ANKRD6: variants seen among roughly 807,000 people sequenced by gnomAD.
ANKRD6 encodes the protein ankyrin repeat domain-containing protein 6.
Under a neutral mutation model 82.3 loss-of-function variants are expected in ANKRD6, and 56 were observed. The observed-to-expected ratio is 0.68, with a 90% CI of 0.55 to 0.85. ANKRD6 has a LOEUF of 0.85. ANKRD6 is among the 40% of genes least tolerant of loss of function. The pLI, the probability that ANKRD6 is intolerant of heterozygous loss-of-function variation, is 0.00. For synonymous variants in ANKRD6, 347 were observed against 352.1 expected (o/e 0.99, Z 0.16); for missense variants, 852 against 907.6 (o/e 0.94, Z 0.79).
At chr6:89,583,949 G>A (rs13208079) in intron 2 of ANKRD6, among the ~76,000 whole-genome samples, 3,413 of 152,296 alleles carry the variant, frequency 0.022, 57 homozygotes, top group Non-Finnish European at 0.034. Flanking sequence ...TCCACCATCT[G>A]CCACCACCGT....
intron 4 of ANKRD6, among the ~76,000 whole-genome samples, chr6:89,604,243 G>A (rs1292289753): frequency 2.0e-5 from 3 of 152,034 alleles, no homozygotes; most frequent in Non-Finnish European, 4.4e-5. Flanking sequence ...CAGGAGAATC[G>A]CTTGAACCCG....
chr6:89,602,980 G>A (rs910768957), intron 3 of ANKRD6, 49 bp from the exon 4 acceptor site: 2 of 1,473,288 alleles, frequency 1.4e-6, no homozygotes, highest in Admixed American at 3.9e-5. Context: ...GTGCAAGCAG[G>A]GGGTGCAGGG....
At chr6:89,475,365 G>T (rs1010445683) in intron 1 of ANKRD6, among the ~76,000 whole-genome samples, 7 of 152,086 alleles carry the variant, frequency 4.6e-5, no homozygotes, top group African/African-American at 1.7e-4. Context: ...TTAAATAGTT[G>T]CCATATTCTA....
chr6:89,620,687 A>G (rs1049646327), intron 9 of ANKRD6, among the ~76,000 whole-genome samples: 24 of 152,162 alleles, frequency 1.6e-4, no homozygotes, highest in African/African-American at 5.3e-4. Flanking sequence ...CCTGACAGTG[A>G]CTGACAGTCC....
intron 1 of ANKRD6, among the ~76,000 whole-genome samples, chr6:89,471,838 C>T (rs1562577423): frequency 6.7e-6 from 1 of 149,452 alleles, no homozygotes; most frequent in Non-Finnish European, 1.5e-5. Context: ...AGGAGGGAGG[C>T]CGAGGCAGGA....
chr6:89,462,400 G>C (rs1774292107), intron 1 of ANKRD6, among the ~76,000 whole-genome samples: 1 of 151,938 alleles, frequency 6.6e-6, no homozygotes, highest in Non-Finnish European at 1.5e-5. Flanking sequence ...GTTTTTTCCA[G>C]ACATGTAATA....
chr6:89,580,460 A>G (rs1048845921), intron 2 of ANKRD6, among the ~76,000 whole-genome samples: 7 of 152,156 alleles, frequency 4.6e-5, no homozygotes, highest in Admixed American at 4.6e-4. Context: ...GTTTTCAGAA[A>G]TGAAGAGGAT....
At chr6:89,629,411 T>C (rs1478879329) in intron 15 of ANKRD6, 173 bp downstream of exon 15, 1 of 846,368 alleles carries the variant, frequency 1.2e-6, no homozygotes, top group Non-Finnish European at 1.9e-6. Flanking sequence ...ACTCAGTTGC[T>C]ATGTAATAAT....
intron 1 of ANKRD6, among the ~76,000 whole-genome samples, chr6:89,492,552 C>G (rs1310457016): frequency 6.6e-6 from 1 of 152,174 alleles, no homozygotes; most frequent in South Asian, 2.1e-4. Flanking sequence ...TAGAGGGTTG[C>G]CTTAGCCACT....
intron 1 of ANKRD6, among the ~76,000 whole-genome samples, chr6:89,488,915 A>ATTCTG (rs1777703866): frequency 6.6e-6 from 1 of 151,406 alleles, no homozygotes; most frequent in African/African-American, 2.4e-5. Context: ...ATTCTATTCT[A>ATTCTG]TTCTATTCTA....
chr6:89,449,842 A>T (rs1772594558), intron 1 of ANKRD6, among the ~76,000 whole-genome samples: 1 of 152,128 alleles, frequency 6.6e-6, no homozygotes. Flanking sequence ...ATATTTGGAG[A>T]TATTTTTTGG....
Position 89,631,133 on chromosome 6 carries a change from T to A in ANKRD6, c.*129T>A. 1 of 1,392,298 alleles carries A rather than the reference T, an allele frequency of 7.2e-7. No homozygotes were observed. The allele number at this position is 1,392,298 out of a possible 1,614,324, so 86.2% of individuals were successfully genotyped here. Reference sequence around the variant, plus strand: ...GCCTTTTTAAAAAAATCACTAATTCTACAATGTGCCAGATACATGTTTCCT... The same window carrying A: ...GCCTTTTTAAAAAAATCACTAATTCAACAATGTGCCAGATACATGTTTCCT... On this transcript the variant is annotated 3_prime_UTR_variant, in exon 16 of 16. Coordinates refer to ENST00000339746, the MANE Select transcript of ANKRD6 (RefSeq NM_001242809.2).
chr6:89,531,312 G>A (rs76757374), intron 1 of ANKRD6, among the ~76,000 whole-genome samples: 10,990 of 152,326 alleles, frequency 0.072, 531 homozygotes, highest in Middle Eastern at 0.16. Flanking sequence ...AAATAAATAT[G>A]CTCAAATGGA....
intron 5 of ANKRD6, among the ~76,000 whole-genome samples, chr6:89,610,005 C>G (rs1288621862): frequency 6.6e-6 from 1 of 152,090 alleles, no homozygotes; most frequent in African/African-American, 2.4e-5. Context: ...AGCCATAGCC[C>G]GTAGAAAGAT....
rs60101795 is a variant in ANKRD6, at chr6:89,538,902, C to CA, written c.-143-27923dup. On this transcript the variant is annotated intron_variant, in intron 1 of 15. Transcript: ENST00000339746. ...TTTTTCAATGACAAGATCAAAAGGC[C>CA]AAAAAAAAACTTGAAAGAACAGAGT... 4.2e-3 allele frequency among the ~76,000 whole-genome samples: 634 copies of CA among 149,758 alleles called. 6 individuals carry two copies. The highest frequency in any genetic ancestry group is 7.0e-3 in the African/African-American group (286 of 40,832).
intron 1 of ANKRD6, among the ~76,000 whole-genome samples, chr6:89,473,663 G>A (rs921560371): frequency 3.3e-5 from 5 of 152,120 alleles, no homozygotes; most frequent in African/African-American, 1.2e-4. Context: ...TCCAGTTAAT[G>A]GTGAGAGTTT....
chr6:89,504,034 A>G (rs377129721), intron 1 of ANKRD6, among the ~76,000 whole-genome samples: 7 of 149,654 alleles, frequency 4.7e-5, no homozygotes, highest in Admixed American at 3.4e-4. Context: ...GAGAAGCCAC[A>G]GTGGTAGTGA....
At chr6:89,508,918 A>G (rs1211355293) in intron 1 of ANKRD6, 1 of 152,304 alleles carries the variant, frequency 6.6e-6, no homozygotes, top group Non-Finnish European at 1.5e-5. Context: ...CCTCCAACAC[A>G]GAGGTGCAGT....
intron 1 of ANKRD6, among the ~76,000 whole-genome samples, chr6:89,494,262 T>G (rs939233888): frequency 6.6e-6 from 1 of 152,230 alleles, no homozygotes; most frequent in Non-Finnish European, 1.5e-5. Flanking sequence ...CATGCTAAAC[T>G]AACAGGATTC....
Sources: gnomAD v4.1 joint callset for allele counts (sites outside exome capture counted in the v4.1 genomes callset) on GRCh38, gnomAD v4.1.1 for gene constraint, MANE v1.5 for transcripts, NCBI Gene and HGNC (gene_info 2026-07-23, HGNC 2026-07-21) for gene names.